Variants in KATNAL1 observed in about 807,000 individuals in gnomAD.
KATNAL1 encodes the protein katanin catalytic subunit A1 like 1, also known as katanin p60 ATPase-containing subunit A-like 1.
KATNAL1 carries 32 observed loss-of-function variants against 55.2 expected under a neutral mutation model. The observed-to-expected ratio is 0.58, with a 90% confidence interval of 0.44 to 0.78. KATNAL1 has a LOEUF of 0.78. Ranked by LOEUF, KATNAL1 falls within the 30% of genes least tolerant of loss-of-function variation. The pLI is 0.00. For missense variants in KATNAL1, 466 were observed against 600.9 expected (o/e 0.78, Z 2.35); for synonymous variants, 193 against 193.6 (o/e 1.00, Z 0.02).
intron 4 of KATNAL1, among the ~76,000 whole-genome samples, chr13:30,244,899 A>C (rs1032451264): frequency 6.6e-6 from 1 of 152,168 alleles, no homozygotes; most frequent in Non-Finnish European, 1.5e-5. Context: ...AAATTGAGAC[A>C]GTAATTAATA....
Position 30,301,390 on chromosome 13 carries a change from C to T in KATNAL1, c.-15+5941G>A, listed in dbSNP as rs564764879. ...TCTGAAAAAAACAAACAAAAAAAACCCTATAAACTTTATCTAATTGCATAA... is the reference window on the plus strand; with the variant it reads ...TCTGAAAAAAACAAACAAAAAAAACTCTATAAACTTTATCTAATTGCATAA... On this transcript the variant is annotated intron_variant, in intron 1 of 10. Transcript: ENST00000380615. Among the ~76,000 whole-genome samples the T allele has an allele frequency of 4.9e-4, 74 of 152,138 alleles. 1 individual carries two copies. Among genetic ancestry groups the T allele is most frequent in the African/African-American group, 1.7e-3 (71 of 41,506 alleles).
At chr13:30,269,246 TGG>T (rs1324158279) in intron 3 of KATNAL1, among the ~76,000 whole-genome samples, 33 of 152,218 alleles carry the variant, frequency 2.2e-4, no homozygotes, top group Non-Finnish European at 3.2e-4. Context: ...CACGCCTGAC[TGG>T]TTTTCGTATT....
intron 8 of KATNAL1, among the ~76,000 whole-genome samples, chr13:30,228,454 T>C (rs886405869): frequency 6.6e-6 from 1 of 152,146 alleles, no homozygotes; most frequent in African/African-American, 2.4e-5. Flanking sequence ...TGACAAAGAA[T>C]CAAGCTGTCC....
chr13:30,272,790 T>A (rs1222149704), intron 3 of KATNAL1, among the ~76,000 whole-genome samples: 1 of 151,996 alleles, frequency 6.6e-6, no homozygotes, highest in Non-Finnish European at 1.5e-5. Flanking sequence ...AAAGGAACAA[T>A]AAAATAAAAT....
At chr13:30,287,574 C>T (rs1881872358) in intron 1 of KATNAL1, among the ~76,000 whole-genome samples, 2 of 152,176 alleles carry the variant, frequency 1.3e-5, no homozygotes, top group Admixed American at 6.5e-5. Flanking sequence ...TACTTTTACA[C>T]AGTAACAAAT....
chr13:30,265,280 G>A (rs915645872), intron 3 of KATNAL1, among the ~76,000 whole-genome samples: 2 of 151,870 alleles, frequency 1.3e-5, no homozygotes, highest in African/African-American at 2.4e-5. Flanking sequence ...GCTAGATGAC[G>A]AGTTAGTGGG....
rs1317771022 is a variant in KATNAL1, at chr13:30,280,227, A to T, written c.163-4T>A. The T allele has an allele frequency of 9.9e-6, 7 of 707,016 alleles. No individual in the cohort carries two copies. The highest frequency in any genetic ancestry group is 7.5e-5 in the Admixed American group (2 of 26,590). 43.8% of individuals were successfully genotyped at this position (707,016 alleles called of 1,614,324 possible). On this transcript the variant is annotated splice_region_variant and splice_polypyrimidine_tract_variant and intron_variant, in intron 2 of 10. Coordinates refer to ENST00000380615, the MANE Select transcript of KATNAL1 (RefSeq NM_032116.5). ...CCTCCAATAATTCCTGCCGAACCTT[A>T]AAAAAAAAAAATAGGCTTTATGCTA...
intron 10 of KATNAL1, among the ~76,000 whole-genome samples, chr13:30,209,088 C>T (rs1358275280): frequency 6.6e-6 from 1 of 152,122 alleles, no homozygotes; most frequent in African/African-American, 2.4e-5. Flanking sequence ...GAACATATGG[C>T]TAATGTTAAG....
In KATNAL1 at chr13:30,283,798, A is replaced by G; in HGVS notation, c.-14-7T>C. The G allele has an allele frequency of 1.3e-6, 2 of 1,578,776 alleles. No homozygotes were observed. The highest frequency in any genetic ancestry group is 1.2e-5 in the South Asian group (1 of 85,218). Reference sequence around the variant, plus strand: ...TTCATCTTCTTTCAGAGACCTAAACATAAAATATAATGACTTTTTAAAAAT... The same window carrying G: ...TTCATCTTCTTTCAGAGACCTAAACGTAAAATATAATGACTTTTTAAAAAT... On this transcript the variant is annotated splice_region_variant and splice_polypyrimidine_tract_variant and intron_variant, in intron 1 of 10. Transcript: ENST00000380615.
At chr13:30,224,930 G>A (rs182476143) in intron 9 of KATNAL1, among the ~76,000 whole-genome samples, 13 of 152,288 alleles carry the variant, frequency 8.5e-5, no homozygotes, top group Non-Finnish European at 2.9e-5. Context: ...GACCACATGA[G>A]TCATGTCTGA....
intron 3 of KATNAL1, among the ~76,000 whole-genome samples, chr13:30,266,865 C>A (rs1440238629): frequency 6.6e-6 from 1 of 152,198 alleles, no homozygotes; most frequent in Non-Finnish European, 1.5e-5. Context: ...ATACTTCTCA[C>A]ACCAAAAATT....
At chr13:30,214,029 C>A (rs553355826) in intron 9 of KATNAL1, among the ~76,000 whole-genome samples, 38 of 152,066 alleles carry the variant, frequency 2.5e-4, no homozygotes, top group Admixed American at 1.3e-4. Flanking sequence ...AAAACCCCAT[C>A]GTCTCAGCCC....
At chr13:30,253,650 G>A (rs1344122695) in intron 4 of KATNAL1, among the ~76,000 whole-genome samples, 2 of 117,684 alleles carry the variant, frequency 1.7e-5, no homozygotes, top group Admixed American at 9.0e-5. Context: ...GGGCAAGAGC[G>A]AGACTCCATC....
At chr13:30,275,058 G>C (rs760020788) in intron 3 of KATNAL1, among the ~76,000 whole-genome samples, 2 of 152,138 alleles carry the variant, frequency 1.3e-5, no homozygotes, top group African/African-American at 2.4e-5. Context: ...GACTGTGTTA[G>C]TCTGTTTTTG....
At chr13:30,293,627 A>G (rs1882285606) in intron 1 of KATNAL1, among the ~76,000 whole-genome samples, 1 of 152,154 alleles carries the variant, frequency 6.6e-6, no homozygotes, top group Admixed American at 6.5e-5. Flanking sequence ...TACCACCACA[A>G]CAAAGGTAAA....
chr13:30,304,142 T>C (rs1017504453), intron 1 of KATNAL1, among the ~76,000 whole-genome samples: 5 of 152,182 alleles, frequency 3.3e-5, no homozygotes, highest in African/African-American at 1.2e-4. Context: ...GACACAAAAT[T>C]AGACAACTTA....
rs983306859 is a variant in KATNAL1 at position 30,274,318 on chromosome 13, A to G, written c.323+5745T>C. On this transcript the variant is annotated intron_variant, in intron 3 of 10. Transcript: ENST00000380615. ...TTTTCACTGCAATTTGGGATGTAAA[A>G]TACTGCCAGTTAATCTCTCTGAGTA... Among the ~76,000 whole-genome samples the G allele has an allele frequency of 5.3e-5, 8 of 152,312 alleles. No homozygotes were observed. The South Asian group carries it at 1.2e-3, about 24-fold the overall frequency.
intron 4 of KATNAL1, among the ~76,000 whole-genome samples, chr13:30,253,709 C>T (rs1432274967): frequency 1.3e-5 from 2 of 150,984 alleles, no homozygotes; most frequent in Admixed American, 6.6e-5. Context: ...AAAAATGCTG[C>T]TTGATTATTT....
intron 3 of KATNAL1, among the ~76,000 whole-genome samples, chr13:30,271,742 AAGAAAACATGAGCTCCT>A (rs1880376909): frequency 6.6e-6 from 1 of 152,160 alleles, no homozygotes; most frequent in South Asian, 2.1e-4. Flanking sequence ...GTTCTGTGCA[AAGAAAACATGAGCTCCT>A]GGAGGGTAAG....
Sources: allele counts gnomAD v4.1 joint callset (sites outside exome capture counted in the v4.1 genomes callset), GRCh38; gene constraint gnomAD v4.1.1; transcripts MANE v1.5; gene names NCBI Gene and HGNC (gene_info 2026-07-23, HGNC 2026-07-21).